The following ST3GAL3 variants were observed in gnomAD, a reference collection of about 807,000 sequenced individuals.
ST3GAL3 encodes the protein CMP-N-acetylneuraminate-beta-1,4-galactoside alpha-2,3-sialyltransferase.
In ST3GAL3, 21 loss-of-function variants were observed where a neutral mutation model predicts 50.1. The ratio of observed to expected loss-of-function variants is 0.42; its 90% CI spans 0.30 to 0.60. The LOEUF (loss-of-function observed/expected upper bound fraction) is 0.60. Among genes scored for constraint, ST3GAL3 ranks in the 20% least tolerant of loss-of-function variants. The pLI, the probability that ST3GAL3 is intolerant of heterozygous loss-of-function variation, is 0.19. For missense variants in ST3GAL3, 353 were observed against 489.4 expected (o/e 0.72, Z 2.63); for synonymous variants, 183 against 190.0 (o/e 0.96, Z 0.30).
intron 5 of ST3GAL3, 157 bp from the exon 6 acceptor site, chr1:43,894,226 C>T (rs1392053995): frequency 1.3e-5 from 10 of 741,484 alleles, no homozygotes; most frequent in African/African-American, 3.4e-5. Context: ...TCAAACCCCT[C>T]GACAGCTACC....
chr1:43,746,125 A>G (rs1340476237), intron 2 of ST3GAL3, among the ~76,000 whole-genome samples: 1 of 152,248 alleles, frequency 6.6e-6, no homozygotes, highest in Non-Finnish European at 1.5e-5. Flanking sequence ...AAAATGGAAT[A>G]CTAAAAAATA....
At chr1:43,917,616 A>T (rs12409996) in intron 9 of ST3GAL3, among the ~76,000 whole-genome samples, 9,613 of 50,704 alleles carry the variant, frequency 0.19, 798 homozygotes, top group South Asian at 0.33. Flanking sequence ...TATATTATAT[A>T]TTATATTATA....
At chr1:43,752,367 A>G (rs1039507705) in intron 2 of ST3GAL3, among the ~76,000 whole-genome samples, 2 of 152,200 alleles carry the variant, frequency 1.3e-5, no homozygotes, top group African/African-American at 4.8e-5. Context: ...CAAAGCTTTA[A>G]CTAAAGGTTT....
intron 9 of ST3GAL3, among the ~76,000 whole-genome samples, chr1:43,908,721 C>G (rs1457019560): frequency 6.6e-6 from 1 of 151,962 alleles, no homozygotes; most frequent in Non-Finnish European, 1.5e-5. Flanking sequence ...CCGCCACCCC[C>G]TCCAGGTTCA....
At chr1:43,881,103 C>T (rs867981185) in intron 5 of ST3GAL3, among the ~76,000 whole-genome samples, 2 of 152,128 alleles carry the variant, frequency 1.3e-5, no homozygotes, top group African/African-American at 2.4e-5. Flanking sequence ...CTCCTCCTCC[C>T]GGGTTCAAGT....
At chr1:43,809,563 G>T (rs1221136766) in intron 3 of ST3GAL3, among the ~76,000 whole-genome samples, 1 of 152,082 alleles carries the variant, frequency 6.6e-6, no homozygotes, top group Non-Finnish European at 1.5e-5. Flanking sequence ...TAAATGTGGT[G>T]GTGCTTGTCT....
chr1:43,751,396 C>T (rs972629205), intron 2 of ST3GAL3, among the ~76,000 whole-genome samples: 26 of 152,014 alleles, frequency 1.7e-4, no homozygotes, highest in African/African-American at 6.0e-4. Context: ...AAATACAGAA[C>T]AAGCATGCAC....
intron 2 of ST3GAL3, among the ~76,000 whole-genome samples, chr1:43,780,176 A>C (rs781159936): frequency 6.6e-6 from 1 of 152,132 alleles, no homozygotes; most frequent in Non-Finnish European, 1.5e-5. Flanking sequence ...CTGATTTCAC[A>C]CTTAATTGAT....
chr1:43,713,747 G>A (rs779949124), intron 1 of ST3GAL3, among the ~76,000 whole-genome samples: 23 of 152,064 alleles, frequency 1.5e-4, no homozygotes, highest in Non-Finnish European at 2.8e-4. Flanking sequence ...TATTGCCCAC[G>A]CTGGTCTCGA....
intron 4 of ST3GAL3, among the ~76,000 whole-genome samples, chr1:43,829,365 A>T (rs1311581935): frequency 6.6e-6 from 1 of 152,236 alleles, no homozygotes; most frequent in African/African-American, 2.4e-5. Context: ...ATTGTTAGTT[A>T]CATTCCTCCA....
At chr1:43,719,693 G>A (rs1174563623) in intron 1 of ST3GAL3, among the ~76,000 whole-genome samples, 1 of 143,376 alleles carries the variant, frequency 7.0e-6, no homozygotes, top group Non-Finnish European at 1.6e-5. Flanking sequence ...GGTGGCTTGG[G>A]AGGCTGAGGT....
At chr1:43,860,531 G>A (rs2069645449) in intron 5 of ST3GAL3, among the ~76,000 whole-genome samples, 1 of 152,238 alleles carries the variant, frequency 6.6e-6, no homozygotes, top group African/African-American at 2.4e-5. Flanking sequence ...GCTGCATGTA[G>A]AGTGAGGTTC....
chr1:43,857,639 G>A lies in ST3GAL3; in HGVS notation c.302+19328G>A, dbSNP rs143957205. Among the ~76,000 whole-genome samples the A allele has an allele frequency of 4.1e-3, 407 of 98,280 alleles. 2 individuals are homozygous for A. The highest frequency in any genetic ancestry group is 0.017 in the African/African-American group (388 of 22,782). The allele number at this position is 98,280 out of a possible 152,430, so 64.5% of individuals were successfully genotyped here. ...TCCTTCCTTCCTTCCTTCCTTCCTC[G>A]GAGTCTTGCTCTGTCGCCCAGGCTG... On this transcript the variant is annotated intron_variant, in intron 5 of 11. Coordinates refer to ENST00000347631, the MANE Select transcript of ST3GAL3 (RefSeq NM_006279.5).
intron 5 of ST3GAL3, among the ~76,000 whole-genome samples, chr1:43,863,354 C>A (rs540971003): frequency 6.6e-6 from 1 of 152,136 alleles, no homozygotes; most frequent in Non-Finnish European, 1.5e-5. Context: ...AGTAGCTGTG[C>A]GGGCTGTGGC....
chr1:43,723,831 C>T (rs565264860), intron 1 of ST3GAL3, among the ~76,000 whole-genome samples: 3 of 152,178 alleles, frequency 2.0e-5, no homozygotes, highest in South Asian at 2.1e-4. Flanking sequence ...AGGCTAGTCT[C>T]GAACTCCTGA....
chr1:43,782,448 C>T (rs762825543), intron 2 of ST3GAL3, among the ~76,000 whole-genome samples: 2 of 152,160 alleles, frequency 1.3e-5, no homozygotes, highest in Non-Finnish European at 2.9e-5. Context: ...CATTAATTTT[C>T]TGAAAAATAT....
intron 2 of ST3GAL3, among the ~76,000 whole-genome samples, chr1:43,784,079 T>G (rs914449272): frequency 6.6e-6 from 1 of 152,144 alleles, no homozygotes; most frequent in South Asian, 2.1e-4. Context: ...CACCCCTCAC[T>G]TTCCATGCTT....
intron 4 of ST3GAL3, among the ~76,000 whole-genome samples, chr1:43,817,420 CTCCTTCTT>C (rs2061402300): frequency 3.7e-4 from 1 of 2,708 alleles, no homozygotes; most frequent in African/African-American, 2.3e-3. Context: ...TCTCCTCCTT[CTCCTTCTT>C]CTCCTTCTTC....
At chr1:43,766,895 GATGA>G (rs750032429) in intron 2 of ST3GAL3, among the ~76,000 whole-genome samples, 2 of 152,194 alleles carry the variant, frequency 1.3e-5, no homozygotes, top group Admixed American at 6.5e-5. Context: ...GGACTTGAAA[GATGA>G]ATGAATAAGA....
Sources: gnomAD v4.1 joint callset for allele counts (sites outside exome capture counted in the v4.1 genomes callset) on GRCh38, gnomAD v4.1.1 for gene constraint, MANE v1.5 for transcripts, NCBI Gene and HGNC (gene_info 2026-07-23, HGNC 2026-07-21) for gene names.